The following HIPK1 variants were observed in gnomAD, a reference collection of about 807,000 sequenced individuals.
The protein encoded by HIPK1 is homeodomain-interacting protein kinase 1.
Under a neutral mutation model 117.1 loss-of-function variants are expected in HIPK1, and 28 were observed. That is an observed-to-expected ratio of 0.24 (90% CI 0.18 to 0.33). The LOEUF (loss-of-function observed/expected upper bound fraction) is 0.33. Among genes scored for constraint, HIPK1 ranks in the 10% least tolerant of loss-of-function variants. HIPK1 has a pLI of 1.00. For synonymous variants in HIPK1, 605 were observed against 562.5 expected (o/e 1.08, Z -1.07); for missense variants, 1,122 against 1,475.1 (o/e 0.76, Z 3.92).
chr1:113,963,316 T>G, intron 9 of HIPK1, 71 bp from the exon 10 acceptor site: 116 of 1,547,280 alleles, frequency 7.5e-5, no homozygotes, highest in Non-Finnish European at 9.4e-5. Flanking sequence ...TTGGGGGGAA[T>G]GAGAACCCTT....
chr1:113,961,876 G>C (rs1390350612), intron 8 of HIPK1, among the ~76,000 whole-genome samples: 1 of 137,804 alleles, frequency 7.3e-6, no homozygotes, highest in Non-Finnish European at 1.5e-5. Flanking sequence ...CTTGGGAGCA[G>C]AGTTTGCAGT....
At chr1:113,966,724 A>T (rs1390386504) in intron 11 of HIPK1, among the ~76,000 whole-genome samples, 1 of 152,172 alleles carries the variant, frequency 6.6e-6, no homozygotes, top group African/African-American at 2.4e-5. Flanking sequence ...TCAAGCATTT[A>T]TCCTTTGAGT....
intron 5 of HIPK1, 33 bp from the exon 6 acceptor site, chr1:113,956,594 T>A: frequency 6.4e-7 from 1 of 1,554,564 alleles, no homozygotes. Flanking sequence ...AAAGGTTAAG[T>A]GAAGAAGTAT....
chr1:113,968,881 C>A (rs1050759574), intron 13 of HIPK1, among the ~76,000 whole-genome samples: 5 of 152,100 alleles, frequency 3.3e-5, no homozygotes, highest in African/African-American at 1.2e-4. Context: ...ATTAGCAGGG[C>A]GTGGTGGCAC....
rs767010198 is a variant in HIPK1 at position 113,940,418 on chromosome 1, C to T, written c.35C>T (p.Ser12Leu). The change falls in exon 2 of 16, where the codon TCA (serine) becomes TTA (leucine). Residue 12 changes from serine to leucine, a missense_variant. Physicochemically the swap from Ser to Leu is moderately radical, Grantham distance 145. This residue lies in a region of HIPK1 where 192 missense variants were observed against 234.0 expected (regional missense o/e 0.82). Coordinates refer to ENST00000426820, the MANE Select transcript of HIPK1 (RefSeq NM_198268.3). ...CAGCTGCAAGTGTTTTCGCCCCCATCAGTGTCGTCGAGTGCCTTCTGCAGT... is the reference window on the plus strand; with the variant it reads ...CAGCTGCAAGTGTTTTCGCCCCCATTAGTGTCGTCGAGTGCCTTCTGCAGT... The part of the protein sequence containing the change: ...ASQLQVFSPP[S>L]VSSSAFCSAK... 9 of 1,612,256 alleles carry T rather than the reference C, an allele frequency of 5.6e-6. No homozygotes were observed. In the South Asian group the frequency reaches 9.9e-5, roughly 18 times the overall value.
Position 113,973,508 on chromosome 1 carries a change from T to G in HIPK1, c.3629T>G (p.Leu1210Ter), listed in dbSNP as rs1425519833. ...ACCAAGATCAGCCAGTATTCCTACTTATAGTTGGTGAGCATGAGGGAGGAG... is the reference window on the plus strand; with the variant it reads ...ACCAAGATCAGCCAGTATTCCTACTGATAGTTGGTGAGCATGAGGGAGGAG... ...SPTKISQYSYL is the reference protein window; with the variant it reads ...SPTKISQYSY Residue 1210 changes from leucine to a stop codon, truncating the protein, a stop_gained, in exon 16 of 16, where the codon TTA (leucine) becomes TGA (stop). Coordinates refer to ENST00000426820, the MANE Select transcript of HIPK1 (RefSeq NM_198268.3). LOFTEE classifies it high-confidence loss of function. 1.3e-6 allele frequency: 2 copies of G among 1,578,234 alleles called. No homozygotes were observed. Among genetic ancestry groups the G allele is most frequent in the East Asian group, 2.2e-5 (1 of 44,462 alleles).
intron 2 of HIPK1, among the ~76,000 whole-genome samples, chr1:113,943,531 G>A (rs75170661): frequency 1.9e-3 from 295 of 152,176 alleles, no homozygotes; most frequent in Non-Finnish European, 3.2e-3. Context: ...GCATTCATCT[G>A]TTGGTAGATA....
At chr1:113,938,928 ATACACACAC>A (rs1558125938) in intron 1 of HIPK1, among the ~76,000 whole-genome samples, 1 of 11,838 alleles carries the variant, frequency 8.4e-5, no homozygotes. Context: ...AAAAAAAAAA[ATACACACAC>A]ACACACACAC....
rs1378346251 is a variant in HIPK1, at chr1:113,929,994, C to T, written c.-3+462C>T. 4.1e-6 allele frequency: 4 copies of T among 985,350 alleles called. No individual in the cohort carries two copies. The African/African-American group carries it at 5.2e-5, about 13-fold the overall frequency. The allele number at this position is 985,350 out of a possible 1,614,324, so 61.0% of individuals were successfully genotyped here. A position where few individuals can be genotyped will look rare whatever the true frequency, so the allele number is the denominator to read the frequency against. Reference sequence around the variant, plus strand: ...GGCGGGGAGCGACTTCCCCTCAGCTCCCTGAGGCGGGGCCGGGCCGGCCGC... The same window carrying T: ...GGCGGGGAGCGACTTCCCCTCAGCTTCCTGAGGCGGGGCCGGGCCGGCCGC... On this transcript the variant is annotated intron_variant, in intron 1 of 15. Coordinates refer to ENST00000426820, the MANE Select transcript of HIPK1 (RefSeq NM_198268.3).
chr1:113,938,929 TACACACACACACACACACAC>T (rs55979020), intron 1 of HIPK1, among the ~76,000 whole-genome samples: 2 of 115,502 alleles, frequency 1.7e-5, no homozygotes, highest in African/African-American at 6.9e-5. Context: ...AAAAAAAAAA[TACACACACACACACACACAC>T]ACACACACAC....
rs1160280659 is a variant in HIPK1, at chr1:113,975,979, A to G, written c.*2467A>G. The G allele has an allele frequency of 1.3e-5, 2 of 152,672 alleles. No homozygotes were observed. The highest frequency in any genetic ancestry group is 2.9e-5 in the Non-Finnish European group (2 of 68,032). 9.5% of individuals were successfully genotyped at this position (152,672 alleles called of 1,614,324 possible). A position where few individuals can be genotyped will look rare whatever the true frequency, so the allele number is the denominator to read the frequency against. The stretch of plus-strand genomic sequence containing the variant: ...TTGAAAATGATATATTTGAGATATA[A>G]TTTTAGGACTGGTTCTGTGTAGATA... On this transcript the variant is annotated 3_prime_UTR_variant, in exon 16 of 16. Coordinates refer to ENST00000426820, the MANE Select transcript of HIPK1 (RefSeq NM_198268.3).
chr1:113,966,880 A>G (rs1571723678), intron 11 of HIPK1, among the ~76,000 whole-genome samples: 1 of 138,884 alleles, frequency 7.2e-6, no homozygotes. Flanking sequence ...CTACCTCCCC[A>G]CTAGCCCTCC....
At chr1:113,959,616 G>T (rs1009553248) in intron 8 of HIPK1, among the ~76,000 whole-genome samples, 3 of 152,174 alleles carry the variant, frequency 2.0e-5, no homozygotes, top group African/African-American at 7.2e-5. Flanking sequence ...TGAAGCAGAA[G>T]AACTTTTGAG....
chr1:113,957,764 G>A (rs953220845), intron 7 of HIPK1, among the ~76,000 whole-genome samples: 11 of 152,126 alleles, frequency 7.2e-5, no homozygotes, highest in African/African-American at 2.7e-4. Flanking sequence ...TAATGGAAGA[G>A]CCTATGAGAT....
intron 1 of HIPK1, among the ~76,000 whole-genome samples, chr1:113,936,471 C>CA (rs1046547420): frequency 6.9e-6 from 1 of 145,984 alleles, no homozygotes; most frequent in Non-Finnish European, 1.5e-5. Flanking sequence ...GTTACGAATC[C>CA]TTTTTTTTTT....
chr1:113,954,499 A>T, intron 3 of HIPK1, 152 bp from the exon 4 acceptor site: 1 of 708,800 alleles, frequency 1.4e-6, no homozygotes, highest in South Asian at 2.0e-5. Context: ...TGGATGGATT[A>T]GTATATATAG....
In HIPK1 at chr1:113,929,343, C is replaced by T. The variant is rs937094092; in HGVS notation, c.-192C>T. The stretch of plus-strand genomic sequence containing the variant: ...TGGGATGACATTTTACAGTTGGATC[C>T]CGTACCACCGCCAGGCACCTTTAAA... On this transcript the variant is annotated 5_prime_UTR_variant, in exon 1 of 16. Coordinates refer to ENST00000426820, the MANE Select transcript of HIPK1 (RefSeq NM_198268.3). 23 of 1,289,460 alleles carry T rather than the reference C, an allele frequency of 1.8e-5. No individual in the cohort carries two copies. Among genetic ancestry groups the T allele is most frequent in the Non-Finnish European group, 2.3e-5 (23 of 988,870 alleles). 79.9% of individuals were successfully genotyped at this position (1,289,460 alleles called of 1,614,324 possible). A position where few individuals can be genotyped will look rare whatever the true frequency, so the allele number is the denominator to read the frequency against.
chr1:113,932,280 C>T (rs1238743026), intron 1 of HIPK1: 2 of 151,804 alleles, frequency 1.3e-5, no homozygotes, highest in Non-Finnish European at 2.9e-5. Context: ...AGTGCTTTCC[C>T]AGAGTGCTTA....
In HIPK1 at chr1:113,941,558, A is replaced by T. The variant is rs537048125; in HGVS notation, c.1076+99A>T. ...TACATATAGCAATGAATTTGTTTAT[A>T]GATTCTGAGATAGAAATAGGATATG... is the stretch of plus-strand genomic sequence containing the variant. On this transcript the variant is annotated intron_variant, in intron 2 of 15. Coordinates refer to ENST00000426820, the MANE Select transcript of HIPK1 (RefSeq NM_198268.3). This position sits in a 1 kb window ranked among gnomAD's most constrained non-coding sequence, Gnocchi z 4.9. 6.7e-5 allele frequency: 59 copies of T among 882,124 alleles called. 1 individual carries two copies. The highest frequency in any genetic ancestry group is 4.3e-4 in the Admixed American group (18 of 42,008). The allele number at this position is 882,124 out of a possible 1,614,324, so 54.6% of individuals were successfully genotyped here.
Sources: allele counts gnomAD v4.1 joint callset (sites outside exome capture counted in the v4.1 genomes callset), GRCh38; gene constraint gnomAD v4.1.1; regional missense constraint gnomAD v4.1.1; non-coding constraint Gnocchi (gnomAD v3.1); transcripts MANE v1.5; gene names NCBI Gene and HGNC (gene_info 2026-07-23, HGNC 2026-07-21).